ZDHHC5: variants seen among roughly 807,000 people sequenced by gnomAD.
ZDHHC5 encodes palmitoyltransferase ZDHHC5.
In ZDHHC5, 22 loss-of-function variants were observed where a neutral mutation model predicts 70.0. The ratio of observed to expected loss-of-function variants is 0.31; its 90% CI spans 0.22 to 0.45. The LOEUF (loss-of-function observed/expected upper bound fraction) is 0.45, where lower values mean the gene tolerates loss of function less well. Ranked by LOEUF, ZDHHC5 falls within the 20% of genes least tolerant of loss-of-function variation. The probability of loss-of-function intolerance (pLI) is 1.00; values close to 1 mark genes in which losing one functional copy is unlikely to be tolerated. For missense variants in ZDHHC5, 746 were observed against 926.9 expected, an observed-to-expected ratio of 0.80 and a Z score of 2.53; for synonymous variants, 313 against 347.8, an observed-to-expected ratio of 0.90 and a Z score of 1.11.
At chr11:57,676,988 C>A (rs573814470) in intron 2 of ZDHHC5, among the ~76,000 whole-genome samples, 2 of 128,804 alleles carry the variant, frequency 1.6e-5, no homozygotes, top group South Asian at 5.2e-4. Flanking sequence ...GTGGCGCGAT[C>A]TCGGCTCGCT....
At chr11:57,676,995 C>T (rs1381097391) in intron 2 of ZDHHC5, among the ~76,000 whole-genome samples, 4 of 137,922 alleles carry the variant, frequency 2.9e-5, no homozygotes, top group Non-Finnish European at 4.5e-5. Flanking sequence ...GATCTCGGCT[C>T]GCTGCAAGCT....
At chr11:57,695,100 T>G (rs1946332666) in intron 8 of ZDHHC5, among the ~76,000 whole-genome samples, 1 of 152,036 alleles carries the variant, frequency 6.6e-6, no homozygotes, top group Non-Finnish European at 1.5e-5. Context: ...CTGTCTCTAT[T>G]AAAAATACAA....
chr11:57,677,210 C>T (rs1946083299), intron 2 of ZDHHC5, among the ~76,000 whole-genome samples: 1 of 149,234 alleles, frequency 6.7e-6, no homozygotes, highest in Non-Finnish European at 1.5e-5. Context: ...CGTGAGCCAC[C>T]ACGCCCAGCC....
At chr11:57,698,007 C>T (rs1305801362) in intron 10 of ZDHHC5, among the ~76,000 whole-genome samples, 1 of 151,522 alleles carries the variant, frequency 6.6e-6, no homozygotes, top group East Asian at 1.9e-4. Flanking sequence ...GGTGGCGGGG[C>T]GCCTGTAATC....
intron 6 of ZDHHC5, 75 bp downstream of exon 6, chr11:57,690,512 A>C (rs1034827327): frequency 4.8e-6 from 7 of 1,462,382 alleles, no homozygotes; most frequent in Admixed American, 1.7e-5. Flanking sequence ...TGTGCAGTGT[A>C]GTGCTTCCAC....
rs1946016618 is a variant in ZDHHC5, at chr11:57,672,334, C to G, written c.-757C>G. 1 of 397,476 alleles carries G rather than the reference C, an allele frequency of 2.5e-6. No homozygotes were observed. Among genetic ancestry groups the G allele is most frequent in the South Asian group, 1.4e-4 (1 of 7,262 alleles). 24.6% of individuals were successfully genotyped at this position (397,476 alleles called of 1,614,324 possible). A position where few individuals can be genotyped will look rare whatever the true frequency, so the allele number is the denominator to read the frequency against. On this transcript the variant is annotated 5_prime_UTR_variant, in exon 2 of 12. Transcript: ENST00000287169. ...GCTTGCCCTGTTTTCCTTGCCCCTT[C>G]AAAGAAAAGGATTTACAGCTCAAAC...
chr11:57,689,575 A>G (rs1946254135), intron 4 of ZDHHC5, among the ~76,000 whole-genome samples: 1 of 151,438 alleles, frequency 6.6e-6, no homozygotes. Context: ...ATGGGGTTTC[A>G]CCATGTTGGT....
At position 57,689,538 on chromosome 11, in the gene ZDHHC5, C is replaced by T. The variant is rs570168445; in HGVS notation, c.385-493C>T. On this transcript the variant is annotated intron_variant, in intron 4 of 11. Transcript: ENST00000287169. ...GATTACAGGCACGCGCTACCACGCCCGGCTAATTTTTGTATTTTTAGTAGA... is the reference window on the plus strand; with the variant it reads ...GATTACAGGCACGCGCTACCACGCCTGGCTAATTTTTGTATTTTTAGTAGA... Among the ~76,000 whole-genome samples, 35 of 152,114 alleles carry T rather than the reference C, an allele frequency of 2.3e-4. No individual in the cohort carries two copies. The East Asian group carries it at 4.1e-3, about 18-fold the overall frequency.
chr11:57,686,733 T>C (rs906450403), intron 3 of ZDHHC5, among the ~76,000 whole-genome samples: 2 of 152,194 alleles, frequency 1.3e-5, no homozygotes, highest in East Asian at 1.9e-4. Context: ...ACTACTGTTA[T>C]ATTGTGGTAT....
At chr11:57,676,852 T>C (rs1156718293) in intron 2 of ZDHHC5, among the ~76,000 whole-genome samples, 1 of 151,884 alleles carries the variant, frequency 6.6e-6, no homozygotes, top group Non-Finnish European at 1.5e-5. Context: ...TAAGGTCTTA[T>C]TTTATCCATT....
chr11:57,687,415 A>G (rs1946221225), intron 3 of ZDHHC5, among the ~76,000 whole-genome samples: 1 of 152,116 alleles, frequency 6.6e-6, no homozygotes, highest in Non-Finnish European at 1.5e-5. Flanking sequence ...TATTAAAAAT[A>G]CAAAAAATTA....
At chr11:57,693,470 C>T (rs2135400052) in intron 7 of ZDHHC5, among the ~76,000 whole-genome samples, 1 of 152,200 alleles carries the variant, frequency 6.6e-6, no homozygotes, top group South Asian at 2.1e-4. Context: ...GGTTGGGGAC[C>T]CCTGCTTTAG....
Position 57,690,170 on chromosome 11 carries a change from T to C in ZDHHC5, c.524T>C (p.Ile175Thr), listed in dbSNP as rs1477886343. 5 of 1,614,088 alleles carry C rather than the reference T, an allele frequency of 3.1e-6. No homozygotes were observed. The highest frequency in any genetic ancestry group is 2.2e-5 in the South Asian group (2 of 91,080). ...GGCCTCCTTTATGTCCTCTACCACA[T>C]AGAGGAACTCTCAGGGGTCCGCACG... ...GFGLLYVLYH[I>T]EELSGVRTAV... Residue 175 changes from isoleucine (I) to threonine (T), a missense_variant, in exon 5 of 12, where the codon ATA (isoleucine) becomes ACA (threonine). Ile to Thr is a moderately conservative substitution (Grantham distance 89). This residue lies in a region of ZDHHC5 where 114 missense variants were observed against 179.3 expected (regional missense o/e 0.64). Transcript: ENST00000287169.
At chr11:57,669,739 G>A (rs1945978853) in intron 1 of ZDHHC5, among the ~76,000 whole-genome samples, 1 of 152,192 alleles carries the variant, frequency 6.6e-6, no homozygotes, top group Non-Finnish European at 1.5e-5. Context: ...GATTACAGGC[G>A]TGAGCCCCCG....
At chr11:57,678,595 A>C (rs1472384424) in intron 2 of ZDHHC5, among the ~76,000 whole-genome samples, 1 of 138,928 alleles carries the variant, frequency 7.2e-6, no homozygotes, top group African/African-American at 2.7e-5. Context: ...AAAAAATTCT[A>C]GCGGCTGGGA....
At chr11:57,684,521 T>C (rs1946186707) in intron 3 of ZDHHC5, among the ~76,000 whole-genome samples, 1 of 152,028 alleles carries the variant, frequency 6.6e-6, no homozygotes, top group South Asian at 2.1e-4. Context: ...AGAGAGTTTT[T>C]TAGGATACAG....
rs1590871743 is a variant in ZDHHC5, at chr11:57,696,871, A to C, written c.1120A>C (p.Lys374Gln). ...TGCCATGCCGCATTCCTCCAGCGCC[A>C]AGGTACTGAGTACTCTAAGAGGTGG... ...SAAMPHSSSA[K>Q]LSRGDSLKEP... Residue 374 changes from lysine (K) to glutamine (Q), a missense_variant and splice_region_variant, in exon 10 of 12, where the codon AAG becomes CAG. This residue lies in a region of ZDHHC5 where 179 missense variants were observed against 178.4 expected (regional missense o/e 1.00). Coordinates refer to ENST00000287169, the MANE Select transcript of ZDHHC5 (RefSeq NM_015457.3). The C allele has an allele frequency of 6.2e-7, 1 of 1,613,428 alleles. No homozygotes were observed. Among genetic ancestry groups the C allele is most frequent in the South Asian group, 1.1e-5 (1 of 91,058 alleles).
intron 3 of ZDHHC5, among the ~76,000 whole-genome samples, chr11:57,685,221 A>G (rs183778746): frequency 2.0e-5 from 3 of 152,374 alleles, no homozygotes; most frequent in Non-Finnish European, 2.9e-5. Flanking sequence ...CTTCCCTTCA[A>G]AGATTGGGTG....
chr11:57,684,021 G>C (rs1283683636), intron 3 of ZDHHC5, among the ~76,000 whole-genome samples: 1 of 147,032 alleles, frequency 6.8e-6, no homozygotes, highest in Non-Finnish European at 1.5e-5. Context: ...GCCCAGGCTG[G>C]AGTGCAGTGG....
Sources: gnomAD v4.1 joint callset for allele counts (sites outside exome capture counted in the v4.1 genomes callset) on GRCh38, gnomAD v4.1.1 for gene constraint, gnomAD v4.1.1 regional missense constraint, MANE v1.5 for transcripts, NCBI Gene and HGNC (gene_info 2026-07-23, HGNC 2026-07-21) for gene names.